Variants in SLCO2B1 observed in about 807,000 individuals in gnomAD.
SLCO2B1 encodes OATP-RP2.
In SLCO2B1, 41 loss-of-function variants were observed where a neutral mutation model predicts 67.3. The observed-to-expected ratio is 0.61, with a 90% CI of 0.47 to 0.79. SLCO2B1 has a LOEUF of 0.79. Among genes scored for constraint, SLCO2B1 ranks in the 30% least tolerant of loss-of-function variants. The probability of loss-of-function intolerance (pLI) is 0.00; values close to 1 mark genes in which losing one functional copy is unlikely to be tolerated. For missense variants in SLCO2B1, 837 were observed against 920.1 expected, an observed-to-expected ratio of 0.91 and a Z score of 1.17; for synonymous variants, 379 against 381.4, an observed-to-expected ratio of 0.99 and a Z score of 0.07.
chr11:75,177,429 C>T (rs1950039600), intron 7 of SLCO2B1, among the ~76,000 whole-genome samples: 1 of 152,124 alleles, frequency 6.6e-6, no homozygotes, highest in Non-Finnish European at 1.5e-5. Flanking sequence ...CCTGCAGTGG[C>T]AGGGACAGGG....
chr11:75,153,400 A>G (rs1373584110), intron 1 of SLCO2B1, among the ~76,000 whole-genome samples: 1 of 152,178 alleles, frequency 6.6e-6, no homozygotes, highest in Non-Finnish European at 1.5e-5. Flanking sequence ...GCACTGCATC[A>G]CTGGCTTTAA....
At chr11:75,165,690 G>T in intron 3 of SLCO2B1, 97 bp from the exon 4 acceptor site, 1 of 1,312,670 alleles carries the variant, frequency 7.6e-7, no homozygotes, top group Non-Finnish European at 1.1e-6. Context: ...CCATTATTCA[G>T]ATGGGCATAC....
At chr11:75,163,901 CT>C (rs1168942855) in intron 2 of SLCO2B1, 61 bp from the exon 3 acceptor site, 14 of 1,539,234 alleles carry the variant, frequency 9.1e-6, no homozygotes, top group Non-Finnish European at 1.2e-5. Flanking sequence ...CCTCTGCCTC[CT>C]TCTGCCTCTT....
intron 7 of SLCO2B1, among the ~76,000 whole-genome samples, chr11:75,177,003 G>A (rs1328517736): frequency 6.6e-6 from 1 of 152,178 alleles, no homozygotes; most frequent in Non-Finnish European, 1.5e-5. Flanking sequence ...GGCTCCCCTA[G>A]ACCACCAGGT....
At chr11:75,178,878 T>C (rs1950058770) in intron 7 of SLCO2B1, among the ~76,000 whole-genome samples, 1 of 152,266 alleles carries the variant, frequency 6.6e-6, no homozygotes, top group Non-Finnish European at 1.5e-5. Context: ...TTTGTTTTTC[T>C]GTGCCTGGCT....
At chr11:75,178,533 G>C (rs1950053981) in intron 7 of SLCO2B1, among the ~76,000 whole-genome samples, 1 of 152,080 alleles carries the variant, frequency 6.6e-6, no homozygotes, top group South Asian at 2.1e-4. Flanking sequence ...AAAATTATAT[G>C]TATTTATGGT....
intron 11 of SLCO2B1, chr11:75,202,614 C>A (rs1018296845): frequency 1.8e-5 from 8 of 440,780 alleles, no homozygotes; most frequent in African/African-American, 1.6e-4. Context: ...TTGATGGGAC[C>A]AGTGGGTGGA....
At chr11:75,173,394 C>T (rs1232135543) in intron 7 of SLCO2B1, among the ~76,000 whole-genome samples, 1 of 152,208 alleles carries the variant, frequency 6.6e-6, no homozygotes, top group East Asian at 1.9e-4. Context: ...AAACCTGGCC[C>T]TTTCGGGGAC....
chr11:75,200,714 G>A (rs747105626), intron 11 of SLCO2B1: 4 of 237,658 alleles, frequency 1.7e-5, no homozygotes, highest in Non-Finnish European at 3.2e-5. Flanking sequence ...CTAGGGCCCT[G>A]TCCTGGCCTC....
chr11:75,193,166 C>A lies in SLCO2B1; in HGVS notation c.1076-52C>A. On this transcript the variant is annotated intron_variant, in intron 8 of 13. Coordinates refer to ENST00000289575, the MANE Select transcript of SLCO2B1 (RefSeq NM_007256.5). The surrounding 1 kb of genome is among the most constrained non-coding windows in gnomAD (Gnocchi z 4.2). ...GAGCAGGGCAGGAGGGCAGTCTCTGCTGGACAGCTTGGCTGCCCTGCCTGC... is the reference window on the plus strand; with the variant it reads ...GAGCAGGGCAGGAGGGCAGTCTCTGATGGACAGCTTGGCTGCCCTGCCTGC... The A allele has an allele frequency of 7.1e-7, 1 of 1,409,568 alleles. No homozygotes were observed. The highest frequency in any genetic ancestry group is 9.8e-7 in the Non-Finnish European group (1 of 1,020,790). The allele number at this position is 1,409,568 out of a possible 1,614,324, so 87.3% of individuals were successfully genotyped here.
chr11:75,178,152 A>AT (rs1453526988), intron 7 of SLCO2B1, among the ~76,000 whole-genome samples: 2 of 152,010 alleles, frequency 1.3e-5, no homozygotes, highest in Non-Finnish European at 2.9e-5. Flanking sequence ...TAGACCAATC[A>AT]TTCTCAGGGT....
Position 75,162,808 on chromosome 11 carries a change from G to C in SLCO2B1, c.147+23G>C, listed in dbSNP as rs148446585. The C allele has an allele frequency of 3.8e-4, 613 of 1,607,338 alleles. 3 individuals are homozygous for C. The African/African-American group carries it at 7.6e-3, about 20-fold the overall frequency. ...AAGGTACCTCTCAGGGCCTGGCAGGGGCCTCCGAGTCTAGAAGAGCAGGCT... is the reference window on the plus strand; with the variant it reads ...AAGGTACCTCTCAGGGCCTGGCAGGCGCCTCCGAGTCTAGAAGAGCAGGCT... On this transcript the variant is annotated intron_variant, in intron 2 of 13. Coordinates refer to ENST00000289575, the MANE Select transcript of SLCO2B1 (RefSeq NM_007256.5).
chr11:75,176,391 G>T (rs894301774), intron 7 of SLCO2B1, among the ~76,000 whole-genome samples: 47 of 152,200 alleles, frequency 3.1e-4, no homozygotes, highest in African/African-American at 1.1e-3. Context: ...AGCACCACCG[G>T]ACTCTGTGAC....
chr11:75,179,794 T>C (rs1372581570), intron 7 of SLCO2B1, among the ~76,000 whole-genome samples: 2 of 152,078 alleles, frequency 1.3e-5, no homozygotes, highest in African/African-American at 2.4e-5. Flanking sequence ...TGGAGTGCAG[T>C]GGCACAATCT....
In SLCO2B1 at chr11:75,204,635, G is replaced by A; in HGVS notation, c.*55G>A. 5 of 1,493,542 alleles carry A rather than the reference G, an allele frequency of 3.3e-6. No individual in the cohort carries two copies. Among genetic ancestry groups the A allele is most frequent in the Non-Finnish European group, 3.6e-6 (4 of 1,112,816 alleles). 92.5% of individuals were successfully genotyped at this position (1,493,542 alleles called of 1,614,324 possible). A position where few individuals can be genotyped will look rare whatever the true frequency, so the allele number is the denominator to read the frequency against. On this transcript the variant is annotated 3_prime_UTR_variant, in exon 14 of 14. Coordinates refer to ENST00000289575, the MANE Select transcript of SLCO2B1 (RefSeq NM_007256.5). ...TAGCAGCCACAGCAGTACCTCCTCT[G>A]AGTCCTTTGCCCAAGATTGGGTGTC...
At chr11:75,160,194 T>A (rs1188764102) in intron 1 of SLCO2B1, among the ~76,000 whole-genome samples, 1 of 152,224 alleles carries the variant, frequency 6.6e-6, no homozygotes, top group African/African-American at 2.4e-5. Context: ...CTTGGTGGAC[T>A]GGCACTGCTA....
In SLCO2B1 at chr11:75,200,465, C is replaced by T. The variant is rs76735947; in HGVS notation, c.1763+78C>T. The T allele has an allele frequency of 7.2e-4, 1,036 of 1,445,604 alleles. 9 individuals carry two copies. In the African/African-American group the frequency reaches 0.013, roughly 19 times the overall value. The allele number at this position is 1,445,604 out of a possible 1,614,324, so 89.5% of individuals were successfully genotyped here. ...CAGGCAGAACAAGGAATTCCAAGGA[C>T]GGAGTTCAAGAAAGGAGGCCACTTG... On this transcript the variant is annotated intron_variant, in intron 11 of 13. Transcript: ENST00000289575.
chr11:75,158,242 T>G (rs1010008449), intron 1 of SLCO2B1, among the ~76,000 whole-genome samples: 12 of 152,282 alleles, frequency 7.9e-5, no homozygotes, highest in African/African-American at 2.4e-4. Context: ...ACCTGGCTAA[T>G]TTTTTGCATT....
intron 1 of SLCO2B1, among the ~76,000 whole-genome samples, chr11:75,159,350 G>A (rs966908054): frequency 5.3e-5 from 8 of 152,184 alleles, no homozygotes; most frequent in African/African-American, 1.9e-4. Context: ...GAGGGACTGG[G>A]TTTTTTAAAC....
Sources: allele counts gnomAD v4.1 joint callset (sites outside exome capture counted in the v4.1 genomes callset), GRCh38; gene constraint gnomAD v4.1.1; non-coding constraint Gnocchi (gnomAD v3.1); transcripts MANE v1.5; gene names NCBI Gene and HGNC (gene_info 2026-07-23, HGNC 2026-07-21).